CSMD3: variants seen among roughly 807,000 people sequenced by gnomAD.
CSMD3 encodes the protein CUB and Sushi multiple domains 3.
In CSMD3, 177 loss-of-function variants were observed where a neutral mutation model predicts 435.2. The ratio of observed to expected loss-of-function variants is 0.41; its 90% CI spans 0.36 to 0.46. CSMD3 has a LOEUF of 0.46. Ranked by LOEUF, CSMD3 falls within the 20% of genes least tolerant of loss-of-function variation. The probability of loss-of-function intolerance (pLI) is 0.34; values close to 1 mark genes in which losing one functional copy is unlikely to be tolerated. For synonymous variants in CSMD3, 1,656 were observed against 1,520.5 expected, an observed-to-expected ratio of 1.09 and a Z score of -2.07; for missense variants, 4,265 against 4,504.6, an observed-to-expected ratio of 0.95 and a Z score of 1.52.
intron 4 of CSMD3, among the ~76,000 whole-genome samples, chr8:113,160,410 G>A (rs772646725): frequency 1.3e-5 from 2 of 151,876 alleles, no homozygotes; most frequent in African/African-American, 2.4e-5. Context: ...AACGTCTAAC[G>A]TATTCAAGGT....
chr8:112,992,878 G>GA (rs1239603785), intron 6 of CSMD3, among the ~76,000 whole-genome samples: 1 of 151,228 alleles, frequency 6.6e-6, no homozygotes, highest in Non-Finnish European at 1.5e-5. Flanking sequence ...GCTGCTATAA[G>GA]AAAAAATATG....
chr8:112,917,408 T>G (rs970817592), intron 10 of CSMD3, among the ~76,000 whole-genome samples: 1 of 151,526 alleles, frequency 6.6e-6, no homozygotes, highest in Non-Finnish European at 1.5e-5. Flanking sequence ...CCTGGAGAGG[T>G]TGGCTTGGTC....
chr8:112,649,047 T>C (rs1488131163), intron 19 of CSMD3, among the ~76,000 whole-genome samples: 1 of 152,216 alleles, frequency 6.6e-6, no homozygotes, highest in Non-Finnish European at 1.5e-5. Flanking sequence ...TCCATCTGCC[T>C]GAGAGTGTAT....
intron 11 of CSMD3, among the ~76,000 whole-genome samples, chr8:112,830,431 A>G (rs2079835927): frequency 6.6e-6 from 1 of 152,212 alleles, no homozygotes; most frequent in Admixed American, 6.5e-5. Context: ...TTGCTAAAAT[A>G]TACTCATGTA....
At chr8:112,283,411 G>C (rs1188724834) in intron 58 of CSMD3, among the ~76,000 whole-genome samples, 3 of 151,628 alleles carry the variant, frequency 2.0e-5, no homozygotes, top group African/African-American at 7.3e-5. Flanking sequence ...ACAAAAAGAA[G>C]TATAAGGAAG....
intron 3 of CSMD3, among the ~76,000 whole-genome samples, chr8:113,193,238 T>C (rs917194950): frequency 5.9e-5 from 9 of 151,262 alleles, no homozygotes; most frequent in African/African-American, 2.2e-4. Flanking sequence ...TCAGAGACTG[T>C]TTTACCACAT....
In CSMD3 at chr8:113,098,795, T is replaced by G. The variant is rs1564312749; in HGVS notation, c.878A>C (p.Asp293Ala). 1.2e-6 allele frequency: 2 copies of G among 1,612,562 alleles called. No individual in the cohort carries two copies. Among genetic ancestry groups the G allele is most frequent in the Non-Finnish European group, 1.7e-6 (2 of 1,178,868 alleles). Residue 293 changes from aspartate (D) to alanine (A), a missense_variant, in exon 5 of 71, where the codon GAT (aspartate) becomes GCT (alanine). By Grantham distance (126) the Asp-to-Ala change is moderately radical (BLOSUM62 -2). Transcript: ENST00000297405. ...FTDFQMEEKY[D>A]YLEIEGSEPP... is the part of the protein sequence containing the mutation. ...CTCAGAACCTTCTATTTCTAAGTAA[T>G]CATATTTCTCTTCCATTTGAAAATC...
intron 41 of CSMD3, among the ~76,000 whole-genome samples, chr8:112,344,008 G>A (rs1825437229): frequency 6.6e-6 from 1 of 152,080 alleles, no homozygotes. Flanking sequence ...TCAGCCTCCA[G>A]AGTAGCTGCG....
intron 28 of CSMD3, among the ~76,000 whole-genome samples, chr8:112,512,099 C>T (rs1474541174): frequency 6.6e-6 from 1 of 152,140 alleles, no homozygotes; most frequent in African/African-American, 2.4e-5. Flanking sequence ...TCACAGTCAT[C>T]CATGAGGGTT....
chr8:113,339,850 T>C (rs975067656), intron 1 of CSMD3, among the ~76,000 whole-genome samples: 1 of 152,056 alleles, frequency 6.6e-6, no homozygotes, highest in Non-Finnish European at 1.5e-5. Flanking sequence ...TCTACCATTA[T>C]GAAATACCCT....
At chr8:112,391,226 G>A (rs1310301184) in intron 35 of CSMD3, among the ~76,000 whole-genome samples, 4 of 152,098 alleles carry the variant, frequency 2.6e-5, no homozygotes, top group African/African-American at 9.7e-5. Flanking sequence ...ATTATATTAT[G>A]ATCATAACAT....
chr8:112,481,280 A>G (rs1265360815), intron 31 of CSMD3, among the ~76,000 whole-genome samples: 2 of 152,220 alleles, frequency 1.3e-5, no homozygotes, highest in Non-Finnish European at 2.9e-5. Context: ...AGAAATTTCA[A>G]AACATTTATG....
intron 59 of CSMD3, among the ~76,000 whole-genome samples, chr8:112,277,210 T>A (rs1325184901): frequency 1.3e-5 from 2 of 152,220 alleles, no homozygotes; most frequent in Non-Finnish European, 2.9e-5. Flanking sequence ...TAAAACTGAA[T>A]GCTTTTTAAC....
chr8:112,683,893 T>G (rs1255798587), intron 15 of CSMD3, among the ~76,000 whole-genome samples: 2 of 151,706 alleles, frequency 1.3e-5, no homozygotes, highest in Non-Finnish European at 3.0e-5. Flanking sequence ...AAAATATGTT[T>G]TATATGTATA....
At chr8:113,380,650 C>T (rs1240570162) in intron 1 of CSMD3, among the ~76,000 whole-genome samples, 1 of 152,098 alleles carries the variant, frequency 6.6e-6, no homozygotes, top group Non-Finnish European at 1.5e-5. Context: ...GAACAATAAC[C>T]TTCCATAATA....
At chr8:113,286,054 T>C (rs890343354) in intron 2 of CSMD3, among the ~76,000 whole-genome samples, 4 of 152,116 alleles carry the variant, frequency 2.6e-5, no homozygotes, top group Admixed American at 2.6e-4. Context: ...TTAAATTTTA[T>C]GGTTTCTAAT....
At chr8:112,458,215 C>CACACACACACACACA (rs1554579456) in intron 32 of CSMD3, among the ~76,000 whole-genome samples, 25,034 of 150,624 alleles carry the variant, frequency 0.17, 2,544 homozygotes, top group Middle Eastern at 0.34. Context: ...ACACTCACAC[C>CACACACACACACACA]CACACACACA....
chr8:113,030,914 T>C (rs1789245406), intron 5 of CSMD3, among the ~76,000 whole-genome samples: 1 of 151,548 alleles, frequency 6.6e-6, no homozygotes, highest in South Asian at 2.1e-4. Flanking sequence ...CATGAGTAGA[T>C]ATTTGGCAAA....
intron 1 of CSMD3, among the ~76,000 whole-genome samples, chr8:113,420,232 A>C (rs1055077654): frequency 1.3e-5 from 2 of 152,184 alleles, no homozygotes; most frequent in African/African-American, 4.8e-5. Flanking sequence ...AACAAAACAC[A>C]ATGTTTTCAA....
Sources: gnomAD v4.1 joint callset for allele counts (sites outside exome capture counted in the v4.1 genomes callset) on GRCh38, gnomAD v4.1.1 for gene constraint, MANE v1.5 for transcripts, NCBI Gene and HGNC (gene_info 2026-07-23, HGNC 2026-07-21) for gene names.